Variants in CCDC50 observed in about 807,000 individuals in gnomAD.
CCDC50 encodes the protein coiled-coil domain containing 50, also known as coiled-coil domain-containing protein 50.
In CCDC50, 54 loss-of-function variants were observed where a neutral mutation model predicts 70.2. That is an observed-to-expected ratio of 0.77 (90% CI 0.62 to 0.96). The LOEUF is 0.96. CCDC50 is among the 50% of genes least tolerant of loss of function. The pLI is 0.00. For missense variants in CCDC50, 558 were observed against 578.7 expected (o/e 0.96, Z 0.37); for synonymous variants, 216 against 198.8 (o/e 1.09, Z -0.73).
At chr3:191,338,190 A>G (rs1711581250) in intron 1 of CCDC50, among the ~76,000 whole-genome samples, 1 of 152,194 alleles carries the variant, frequency 6.6e-6, no homozygotes, top group African/African-American at 2.4e-5. Flanking sequence ...TGTTTTGTTT[A>G]TTGACTATGG....
intron 1 of CCDC50, among the ~76,000 whole-genome samples, chr3:191,351,669 A>G (rs1026210516): frequency 7.1e-6 from 1 of 141,398 alleles, no homozygotes; most frequent in African/African-American, 2.5e-5. Flanking sequence ...AAGAGAAAAA[A>G]TATAAGAGAT....
chr3:191,330,751 G>A (rs910751542), intron 1 of CCDC50, among the ~76,000 whole-genome samples: 4 of 152,138 alleles, frequency 2.6e-5, no homozygotes, highest in African/African-American at 9.7e-5. Context: ...ATTTGACTCC[G>A]TTGGTCTTGT....
chr3:191,382,703 G>T, intron 9 of CCDC50, 43 bp from the exon 10 acceptor site: 4 of 1,206,898 alleles, frequency 3.3e-6, no homozygotes, highest in Non-Finnish European at 4.9e-6. Flanking sequence ...TGGATTGTAT[G>T]TGTGTGTTAT....
chr3:191,339,260 G>T (rs1283771345), intron 1 of CCDC50, among the ~76,000 whole-genome samples: 1 of 152,116 alleles, frequency 6.6e-6, no homozygotes, highest in Non-Finnish European at 1.5e-5. Context: ...TTTTAGAATG[G>T]TCTCTTTCAG....
chr3:191,337,804 T>C (rs1052783746), intron 1 of CCDC50, among the ~76,000 whole-genome samples: 2 of 152,138 alleles, frequency 1.3e-5, no homozygotes, highest in Non-Finnish European at 2.9e-5. Context: ...CCAACAGATT[T>C]AACCACCTTA....
chr3:191,369,973 A>G lies in CCDC50; in HGVS notation c.385A>G (p.Lys129Glu). Residue 129 changes from lysine to glutamate, a missense_variant, in exon 5 of 12, where the codon AAA becomes GAA. Lys to Glu is a moderately conservative substitution (Grantham distance 56). Transcript: ENST00000392455. ...KELQEEKKRK[K>E]HFPEFPATRA... is the part of the protein sequence containing the mutation. ...GTTACAGGAAGAGAAAAAGAGAAAG[A>G]AACACTTTCCAGAGTTCCCTGCAAC... The G allele has an allele frequency of 6.2e-7, 1 of 1,613,636 alleles. No homozygotes were observed. Among genetic ancestry groups the G allele is most frequent in the Non-Finnish European group, 8.5e-7 (1 of 1,179,666 alleles).
chr3:191,382,868 G>A (rs778351790), intron 10 of CCDC50, 43 bp downstream of exon 10: 12 of 1,388,940 alleles, frequency 8.6e-6, no homozygotes, highest in Admixed American at 8.4e-5. Flanking sequence ...GTTGACTTTG[G>A]GGTGAATAAG....
At chr3:191,374,478 A>T (rs1363699232) in intron 5 of CCDC50, among the ~76,000 whole-genome samples, 1 of 152,114 alleles carries the variant, frequency 6.6e-6, no homozygotes, top group Non-Finnish European at 1.5e-5. Flanking sequence ...ATTGAACTGT[A>T]ATAGAGGGCT....
Position 191,391,756 on chromosome 3 carries a change from A to G in CCDC50, c.1445A>G (p.His482Arg). 1 of 1,612,990 alleles carries G rather than the reference A, an allele frequency of 6.2e-7. No homozygotes were observed. Among genetic ancestry groups the G allele is most frequent in the Non-Finnish European group, 8.5e-7 (1 of 1,179,224 alleles). ...CCCTCCCCAGGTTTTCATTACAAAC[A>G]TTAAAAACCTAGGAATCTGCCTTGA... ...ESSHKGFHYK[H>R] The change falls in exon 12 of 12, where the codon CAT (histidine) becomes CGT (arginine). Residue 482 changes from histidine (H) to arginine (R), a missense_variant. Physicochemically the swap from His to Arg is conservative, Grantham distance 29. Transcript: ENST00000392455.
intron 6 of CCDC50, among the ~76,000 whole-genome samples, chr3:191,378,731 G>GTTTTTTTT (rs111282965): frequency 6.7e-6 from 1 of 149,636 alleles, no homozygotes; most frequent in South Asian, 2.1e-4. Context: ...CTATGCCACT[G>GTTTTTTTT]TTTTTTTGTT....
intron 6 of CCDC50, among the ~76,000 whole-genome samples, chr3:191,376,304 C>T (rs911655618): frequency 1.1e-4 from 16 of 152,158 alleles, no homozygotes; most frequent in African/African-American, 3.9e-4. Flanking sequence ...TCTAACTCTA[C>T]AGTTGGTGTT....
At position 191,373,081 on chromosome 3, in the gene CCDC50, A is replaced by ATG. The variant is rs149903291; in HGVS notation, c.449-1967_449-1966dup. On this transcript the variant is annotated intron_variant, in intron 5 of 11. Transcript: ENST00000392455. ...AATGCAGATATATATGTGTATAAAT[A>ATG]TGTGTGTGTGTGTGTATATATATAT... 3.4e-3 allele frequency among the ~76,000 whole-genome samples: 515 copies of ATG among 151,408 alleles called. 4 individuals are homozygous for ATG. The highest frequency in any genetic ancestry group is 0.012 in the African/African-American group (484 of 41,306).
chr3:191,384,707 T>C (rs959816183), intron 10 of CCDC50, among the ~76,000 whole-genome samples: 14 of 120,272 alleles, frequency 1.2e-4, no homozygotes, highest in Non-Finnish European at 2.1e-4. Flanking sequence ...GATACATGTG[T>C]AGGTTTTTTT....
intron 1 of CCDC50, among the ~76,000 whole-genome samples, chr3:191,331,020 T>C (rs1483003163): frequency 2.0e-5 from 3 of 152,234 alleles, no homozygotes; most frequent in African/African-American, 7.2e-5. Context: ...AAAACAGTTT[T>C]CACTCTGCTG....
chr3:191,330,104 G>A (rs1434018137), intron 1 of CCDC50, among the ~76,000 whole-genome samples: 2 of 152,148 alleles, frequency 1.3e-5, no homozygotes, highest in African/African-American at 4.8e-5. Context: ...CTGGGAAGTG[G>A]AGAGGGGTTG....
At position 191,394,776 on chromosome 3, in the gene CCDC50, GA is replaced by G. The variant is rs1233243951; in HGVS notation, c.*3021del. The G allele has an allele frequency of 1.3e-5, 2 of 152,132 alleles. No homozygotes were observed. The highest frequency in any genetic ancestry group is 2.9e-5 in the Non-Finnish European group (2 of 67,988). The allele number at this position is 152,132 out of a possible 1,614,324, so 9.4% of individuals were successfully genotyped here. On this transcript the variant is annotated 3_prime_UTR_variant, in exon 12 of 12. Coordinates refer to ENST00000392455, the MANE Select transcript of CCDC50 (RefSeq NM_178335.3). ...AGAGTCAAATTAAATGTTTTGACTT[GA>G]AAAATATTTGACTTTTGCGTTCAAA...
chr3:191,381,441 C>T (rs922028317), intron 9 of CCDC50, among the ~76,000 whole-genome samples: 1 of 152,074 alleles, frequency 6.6e-6, no homozygotes, highest in Non-Finnish European at 1.5e-5. Flanking sequence ...ACCTATCTAG[C>T]GTGAGTTTGG....
rs1713794078 is a variant in CCDC50, at chr3:191,394,336, ACT to A, written c.*2579_*2580del. 6.6e-6 allele frequency: 1 copy of A among 152,098 alleles called. No individual in the cohort carries two copies. The highest frequency in any genetic ancestry group is 2.4e-5 in the African/African-American group (1 of 41,428). 9.4% of individuals were successfully genotyped at this position (152,098 alleles called of 1,614,324 possible). ...GAAATTCAGCCAGTTAAATCCTCAT[ACT>A]CTTTCTCATTCAAATAATATAATAA... On this transcript the variant is annotated 3_prime_UTR_variant, in exon 12 of 12. Transcript: ENST00000392455.
At chr3:191,363,631 G>A (rs1326493616) in intron 4 of CCDC50, among the ~76,000 whole-genome samples, 2 of 152,208 alleles carry the variant, frequency 1.3e-5, no homozygotes, top group African/African-American at 4.8e-5. Flanking sequence ...AGGCTTAAGT[G>A]TGTTTCAGTA....
Sources: allele counts gnomAD v4.1 joint callset (sites outside exome capture counted in the v4.1 genomes callset), GRCh38; gene constraint gnomAD v4.1.1; transcripts MANE v1.5; gene names NCBI Gene and HGNC (gene_info 2026-07-23, HGNC 2026-07-21).